NAALADL2: variants seen among roughly 807,000 people sequenced by gnomAD.
NAALADL2 encodes the protein inactive N-acetylated-alpha-linked acidic dipeptidase-like protein 2.
NAALADL2 carries 76 observed loss-of-function variants against 87.2 expected under a neutral mutation model. The ratio of observed to expected loss-of-function variants is 0.87; its 90% confidence interval spans 0.72 to 1.05. The LOEUF (loss-of-function observed/expected upper bound fraction) is 1.05. Among genes scored for constraint, NAALADL2 ranks in the 50% least tolerant of loss-of-function variants. NAALADL2 has a pLI of 0.00. For missense variants in NAALADL2, 1,089 were observed against 945.8 expected, an observed-to-expected ratio of 1.15 and a Z score of -1.99; for synonymous variants, 354 against 331.0, an observed-to-expected ratio of 1.07 and a Z score of -0.75.
intron 1 of NAALADL2, among the ~76,000 whole-genome samples, chr3:174,868,467 T>A (rs949020001): frequency 1.3e-5 from 2 of 152,170 alleles, no homozygotes; most frequent in Non-Finnish European, 2.9e-5. Flanking sequence ...TAAATGTTTT[T>A]TCTGTTCCCA....
intron 1 of NAALADL2, among the ~76,000 whole-genome samples, chr3:174,908,392 G>C (rs139782851): frequency 0.012 from 1,761 of 152,076 alleles, 45 homozygotes; most frequent in African/African-American, 0.04. Flanking sequence ...AGTTCAGACT[G>C]GCCAGTATCT....
At chr3:175,666,925 A>G (rs1247940499) in intron 11 of NAALADL2, among the ~76,000 whole-genome samples, 1 of 152,008 alleles carries the variant, frequency 6.6e-6, no homozygotes, top group African/African-American at 2.4e-5. Flanking sequence ...TAATTAATCT[A>G]CTTCTTCCTG....
intron 2 of NAALADL2, among the ~76,000 whole-genome samples, chr3:175,115,759 T>G (rs924789504): frequency 1.3e-5 from 2 of 151,488 alleles, no homozygotes; most frequent in African/African-American, 4.8e-5. Context: ...TTTCATCAGA[T>G]GAGATCGAGC....
intron 1 of NAALADL2, among the ~76,000 whole-genome samples, chr3:175,077,565 A>G (rs1358635837): frequency 1.3e-5 from 2 of 152,222 alleles, no homozygotes; most frequent in African/African-American, 2.4e-5. Context: ...TAAAATATTT[A>G]AAATGTAATG....
At chr3:174,952,293 T>C (rs867023004) in intron 1 of NAALADL2, among the ~76,000 whole-genome samples, 5 of 152,286 alleles carry the variant, frequency 3.3e-5, no homozygotes, top group Middle Eastern at 3.4e-3. Context: ...CCAATACATA[T>C]TTGTCTCACA....
Position 175,154,340 on chromosome 3 carries a change from A to T in NAALADL2, c.545+57049A>T, listed in dbSNP as rs568870353. Among the ~76,000 whole-genome samples the T allele has an allele frequency of 2.2e-4, 34 of 152,302 alleles. No homozygotes were observed. The South Asian group carries it at 6.4e-3, about 29-fold the overall frequency. Reference sequence around the variant, plus strand: ...AATATGGAAAATTATCTGTCTACCCAAAAAAGGTAAATCTTAATTCTTATA... The same window carrying T: ...AATATGGAAAATTATCTGTCTACCCTAAAAAGGTAAATCTTAATTCTTATA... On this transcript the variant is annotated intron_variant, in intron 2 of 13. Coordinates refer to ENST00000454872, the MANE Select transcript of NAALADL2 (RefSeq NM_207015.3).
intron 1 of NAALADL2, among the ~76,000 whole-genome samples, chr3:174,872,107 A>G (rs1305936224): frequency 6.6e-6 from 1 of 152,178 alleles, no homozygotes; most frequent in Non-Finnish European, 1.5e-5. Flanking sequence ...ATTATTTCAC[A>G]AATTTTCATA....
chr3:175,635,894 A>C (rs551316495), intron 11 of NAALADL2, among the ~76,000 whole-genome samples: 1 of 152,244 alleles, frequency 6.6e-6, no homozygotes, highest in Non-Finnish European at 1.5e-5. Context: ...TGTTTAAACA[A>C]ACTTTCTGTA....
chr3:174,788,937 C>T (rs554453722), intron 3 of NAALADL2, among the ~76,000 whole-genome samples: 2 of 152,234 alleles, frequency 1.3e-5, no homozygotes, highest in East Asian at 3.9e-4. Context: ...AGTAACCATG[C>T]TCTTGTTGAG....
chr3:174,559,961 C>T lies in NAALADL2; in HGVS notation c.-115+9324C>T, dbSNP rs1713384824. On this transcript the variant is annotated intron_variant, in intron 2 of 3. Coordinates refer to the NAALADL2 transcript ENST00000434257. ...TGACACGTTGTGTCTTTGAGCAGAT[C>T]ATTTTTACCTTTCCAAAATTGAGTT... Among the ~76,000 whole-genome samples the T allele has an allele frequency of 2.0e-5, 3 of 152,190 alleles. 1 individual carries two copies. The highest frequency in any genetic ancestry group is 2.0e-4 in the Admixed American group (3 of 15,278).
intron 4 of NAALADL2, among the ~76,000 whole-genome samples, chr3:175,316,686 A>G (rs1759184554): frequency 6.6e-6 from 1 of 152,138 alleles, no homozygotes; most frequent in Non-Finnish European, 1.5e-5. Flanking sequence ...CACCCCTTTT[A>G]TGTAGCTTTG....
At chr3:174,892,725 A>T (rs1291965435) in intron 1 of NAALADL2, among the ~76,000 whole-genome samples, 1 of 152,064 alleles carries the variant, frequency 6.6e-6, no homozygotes, top group East Asian at 1.9e-4. Flanking sequence ...GGAGTTCGAG[A>T]CGACCCTGGG....
intron 2 of NAALADL2, among the ~76,000 whole-genome samples, chr3:175,229,130 T>C (rs1434263300): frequency 2.6e-5 from 4 of 151,902 alleles, no homozygotes; most frequent in Non-Finnish European, 4.4e-5. Context: ...TAACCTGACA[T>C]ATACATTATA....
At chr3:174,615,853 C>G (rs552792940) in intron 2 of NAALADL2, among the ~76,000 whole-genome samples, 58 of 152,050 alleles carry the variant, frequency 3.8e-4, no homozygotes, top group African/African-American at 1.3e-3. Context: ...ACTAAGTAAA[C>G]AAATCCATAG....
At chr3:175,761,847 G>GT (rs150102754) in intron 13 of NAALADL2, among the ~76,000 whole-genome samples, 6 of 151,796 alleles carry the variant, frequency 4.0e-5, no homozygotes, top group African/African-American at 1.2e-4. Flanking sequence ...AAAATTGAGG[G>GT]TTTTTTTCTT....
intron 4 of NAALADL2, among the ~76,000 whole-genome samples, chr3:175,287,691 C>T (rs2110120175): frequency 6.6e-6 from 1 of 152,292 alleles, no homozygotes; most frequent in South Asian, 2.1e-4. Context: ...CCTACAATAT[C>T]TGGTATTGCA....
intron 10 of NAALADL2, among the ~76,000 whole-genome samples, chr3:175,590,211 AATATATAT>A (rs66991809): frequency 4.3e-3 from 25 of 5,850 alleles, no homozygotes; most frequent in Admixed American, 9.7e-3. Flanking sequence ...GACTCCGTCT[AATATATAT>A]ATATATATAT....
chr3:175,011,342 T>A (rs1749798880), intron 1 of NAALADL2, among the ~76,000 whole-genome samples: 1 of 151,110 alleles, frequency 6.6e-6, no homozygotes, highest in Non-Finnish European at 1.5e-5. Context: ...TTATTCCAAG[T>A]TTTGAAGCTT....
chr3:174,767,627 A>G (rs1713992341), intron 3 of NAALADL2, among the ~76,000 whole-genome samples: 2 of 152,200 alleles, frequency 1.3e-5, no homozygotes, highest in Non-Finnish European at 2.9e-5. Context: ...TAATGGGGCC[A>G]TGGCTTACCA....
Sources: allele counts gnomAD v4.1 joint callset (sites outside exome capture counted in the v4.1 genomes callset), GRCh38; gene constraint gnomAD v4.1.1; transcripts MANE v1.5; gene names NCBI Gene and HGNC (gene_info 2026-07-23, HGNC 2026-07-21).